SLC8A3: variants seen among roughly 807,000 people sequenced by gnomAD.
The protein encoded by SLC8A3 is solute carrier family 8 member A3.
A neutral mutation model predicts 65.4 loss-of-function variants in SLC8A3; 37 were observed. That is an observed-to-expected ratio of 0.57 (90% CI 0.44 to 0.74). The LOEUF is 0.74. Ranked by LOEUF, SLC8A3 falls within the 30% of genes least tolerant of loss-of-function variation. The pLI is 0.00. For synonymous variants in SLC8A3, 461 were observed against 444.5 expected, an observed-to-expected ratio of 1.04 and a Z score of -0.47; for missense variants, 1,112 against 1,172.1, an observed-to-expected ratio of 0.95 and a Z score of 0.75.
intron 2 of SLC8A3, among the ~76,000 whole-genome samples, chr14:70,132,522 C>A (rs79661899): frequency 6.6e-6 from 1 of 152,074 alleles, no homozygotes; most frequent in African/African-American, 2.4e-5. Flanking sequence ...TGTCTGTGTG[C>A]GGGCATGGTG....
At chr14:70,055,048 GTTGT>G (rs1047445877) in intron 3 of SLC8A3, among the ~76,000 whole-genome samples, 5 of 152,034 alleles carry the variant, frequency 3.3e-5, no homozygotes, top group African/African-American at 1.2e-4. Flanking sequence ...GAAGTTGAAT[GTTGT>G]TTATGATTGG....
intron 2 of SLC8A3, among the ~76,000 whole-genome samples, chr14:70,082,230 C>A (rs1332512546): frequency 6.6e-6 from 1 of 151,614 alleles, no homozygotes; most frequent in Non-Finnish European, 1.5e-5. Context: ...AATTAAATAT[C>A]CTTGATAAGA....
chr14:70,062,248 A>G (rs1888889705), intron 2 of SLC8A3, among the ~76,000 whole-genome samples: 1 of 152,128 alleles, frequency 6.6e-6, no homozygotes, highest in Non-Finnish European at 1.5e-5. Flanking sequence ...TTTGCCATTT[A>G]TAATGTAGTA....
intron 2 of SLC8A3, among the ~76,000 whole-genome samples, chr14:70,089,401 A>G (rs1181637446): frequency 6.6e-6 from 1 of 152,252 alleles, no homozygotes; most frequent in Middle Eastern, 3.2e-3. Context: ...TGCTTATGAA[A>G]TGAATGAAAA....
intron 2 of SLC8A3, among the ~76,000 whole-genome samples, chr14:70,068,391 TTTA>T (rs1393537903): frequency 6.6e-6 from 1 of 152,184 alleles, no homozygotes; most frequent in African/African-American, 2.4e-5. Flanking sequence ...TTCTTATTTA[TTTA>T]TTGAGACAGG....
At position 70,173,437 on chromosome 14, in the gene SLC8A3, G is replaced by A. The variant is rs372169000; in HGVS notation, c.-62-4953C>T. Reference sequence around the variant, plus strand: ...ACGCCTCTGAGGCCATCTGCAAGGCGTCTGTGTCCTTAGCAGTGGCTCCTG... The same window carrying A: ...ACGCCTCTGAGGCCATCTGCAAGGCATCTGTGTCCTTAGCAGTGGCTCCTG... On this transcript the variant is annotated intron_variant, in intron 1 of 6. Coordinates refer to ENST00000356921, the MANE Select transcript of SLC8A3 (RefSeq NM_182932.3). Among the ~76,000 whole-genome samples, 7 of 152,266 alleles carry A rather than the reference G, an allele frequency of 4.6e-5. No homozygotes were observed. The South Asian group carries it at 6.2e-4, about 14-fold the overall frequency.
intron 2 of SLC8A3, chr14:70,063,936 A>T (rs773934708): frequency 6.6e-7 from 1 of 1,524,516 alleles, no homozygotes; most frequent in Non-Finnish European, 9.1e-7. Flanking sequence ...TTTGCTGTGG[A>T]TGGAAAAATA....
intron 2 of SLC8A3, among the ~76,000 whole-genome samples, chr14:70,071,651 C>G (rs937954512): frequency 2.6e-5 from 4 of 152,186 alleles, no homozygotes; most frequent in Non-Finnish European, 5.9e-5. Flanking sequence ...CTGGCCAACA[C>G]CTTGATTTCA....
chr14:70,118,853 A>G (rs988616471), intron 2 of SLC8A3, among the ~76,000 whole-genome samples: 1 of 152,120 alleles, frequency 6.6e-6, no homozygotes, highest in African/African-American at 2.4e-5. Context: ...AACACACACA[A>G]TTGGTTTTCT....
rs1457265347 is a variant in SLC8A3, at chr14:70,188,808, C to A, written c.-492G>T. The A allele has an allele frequency of 2.6e-5, 4 of 152,090 alleles. No homozygotes were observed. The South Asian group carries it at 6.2e-4, about 24-fold the overall frequency. The allele number at this position is 152,090 out of a possible 1,614,324, so 9.4% of individuals were successfully genotyped here. On this transcript the variant is annotated 5_prime_UTR_variant, in exon 1 of 7. Transcript: ENST00000356921. Reference sequence around the variant, plus strand: ...AGGCAAGCAGCCCGGCGCGCCCTGGCGGCTCCGAGGGACCTGGGCTCGGGC... The same window carrying A: ...AGGCAAGCAGCCCGGCGCGCCCTGGAGGCTCCGAGGGACCTGGGCTCGGGC...
At chr14:70,049,146 G>A in intron 5 of SLC8A3, 104 bp from the exon 6 acceptor site, 1 of 1,158,022 alleles carries the variant, frequency 8.6e-7, no homozygotes, top group South Asian at 1.5e-5. Flanking sequence ...CGCTAGAAGG[G>A]GACTCCAGCT....
chr14:70,161,666 C>T (rs576079552), intron 2 of SLC8A3, among the ~76,000 whole-genome samples: 28 of 152,346 alleles, frequency 1.8e-4, no homozygotes, highest in African/African-American at 6.7e-4. Context: ...GTGACTCTCT[C>T]AAGCACAGAA....
chr14:70,140,728 C>T (rs1459176496), intron 2 of SLC8A3, among the ~76,000 whole-genome samples: 2 of 152,188 alleles, frequency 1.3e-5, no homozygotes, highest in Non-Finnish European at 2.9e-5. Context: ...TCACCCTTTT[C>T]CCTGAAAACT....
intron 2 of SLC8A3, among the ~76,000 whole-genome samples, chr14:70,068,900 T>C (rs1889729437): frequency 6.6e-6 from 1 of 152,094 alleles, no homozygotes; most frequent in Non-Finnish European, 1.5e-5. Flanking sequence ...CTAATTTTTG[T>C]ATTTTTTCTA....
Position 70,168,356 on chromosome 14 carries a change from G to T in SLC8A3, c.67C>A (p.Leu23Ile), listed in dbSNP as rs111708263. The change falls in exon 2 of 7, where the codon CTC becomes ATC. Residue 23 changes from leucine (L) to isoleucine (I), a missense_variant. Transcript: ENST00000356921. ...TCTGCTCGAAGACCATTCAGGAAGA[G>T]CACAAAGGTAACCAGCCCAAAATGG... Reference protein sequence around the residue: ...FLHFGLVTFVLFLNGLRAEAG... With the variant: ...FLHFGLVTFVIFLNGLRAEAG... The T allele has an allele frequency of 6.2e-6, 10 of 1,614,046 alleles. No individual in the cohort carries two copies. The South Asian group carries it at 9.9e-5, about 16-fold the overall frequency.
intron 2 of SLC8A3, among the ~76,000 whole-genome samples, chr14:70,068,331 A>G (rs957023269): frequency 1.3e-5 from 2 of 152,196 alleles, no homozygotes; most frequent in African/African-American, 4.8e-5. Context: ...ATATGCTTAC[A>G]TTGTGCTCAC....
intron 3 of SLC8A3, chr14:70,059,243 C>A (rs1888495484): frequency 1.3e-5 from 2 of 152,232 alleles, no homozygotes; most frequent in Non-Finnish European, 2.9e-5. Context: ...TGAGAAATGA[C>A]CAATCACACT....
chr14:70,166,697 C>T lies in SLC8A3; in HGVS notation c.1726G>A (p.Gly576Ser). ...FRTVEGTAKGGGEDFEDTYGE... is the reference protein window; with the variant it reads ...FRTVEGTAKGSGEDFEDTYGE... ...TATGTGTCTTCAAAGTCCTCACCGC[C>T]ACCCTTGGCTGTCCCTTCTACTGTC... Residue 576 changes from glycine (G) to serine (S), a missense_variant, in exon 2 of 7, where the codon GGC becomes AGC. Coordinates refer to ENST00000356921, the MANE Select transcript of SLC8A3 (RefSeq NM_182932.3). 2 of 1,613,410 alleles carry T rather than the reference C, an allele frequency of 1.2e-6. No individual in the cohort carries two copies. Among genetic ancestry groups the T allele is most frequent in the Non-Finnish European group, 1.7e-6 (2 of 1,179,746 alleles).
At position 70,168,188 on chromosome 14, in the gene SLC8A3, C is replaced by CA. The variant is rs921525382; in HGVS notation, c.234dup (p.Val79CysfsTer18). 1 of 1,614,126 alleles carries CA rather than the reference C, an allele frequency of 6.2e-7. No individual in the cohort carries two copies. Among genetic ancestry groups the CA allele is most frequent in the Non-Finnish European group, 8.5e-7 (1 of 1,180,002 alleles). On this transcript the variant is annotated frameshift_variant, in exon 2 of 7. Coordinates refer to ENST00000356921, the MANE Select transcript of SLC8A3 (RefSeq NM_182932.3). LOFTEE classifies it high-confidence loss of function. ...ATGTATATCAGGGCCACAAAATAGA[C>CA]AATGACCCTGGCAATCTTGTCCCCA...
Sources: gnomAD v4.1 joint callset for allele counts (sites outside exome capture counted in the v4.1 genomes callset) on GRCh38, gnomAD v4.1.1 for gene constraint, MANE v1.5 for transcripts, NCBI Gene and HGNC (gene_info 2026-07-23, HGNC 2026-07-21) for gene names.